CPA6: variants seen among roughly 807,000 people sequenced by gnomAD.
The protein encoded by CPA6 is carboxypeptidase B.
Under a neutral mutation model 63.3 loss-of-function variants are expected in CPA6, and 58 were observed. That is an observed-to-expected ratio of 0.92 (90% CI 0.74 to 1.14). The LOEUF (loss-of-function observed/expected upper bound fraction) is 1.14. Among genes scored for constraint, CPA6 ranks in the 50% most tolerant of loss-of-function variants. CPA6 has a pLI of 0.00. For missense variants in CPA6, 565 were observed against 526.6 expected (o/e 1.07, Z -0.71); for synonymous variants, 185 against 179.0 (o/e 1.03, Z -0.27).
intron 2 of CPA6, among the ~76,000 whole-genome samples, chr8:67,536,431 C>G (rs955797175): frequency 6.6e-6 from 1 of 152,032 alleles, no homozygotes; most frequent in African/African-American, 2.4e-5. Flanking sequence ...AAGTTGGATT[C>G]CTAGGTATTT....
chr8:67,468,409 C>T (rs966588650), intron 8 of CPA6, among the ~76,000 whole-genome samples: 1 of 151,298 alleles, frequency 6.6e-6, no homozygotes, highest in African/African-American at 2.4e-5. Flanking sequence ...ATGGAGAAAC[C>T]CTGTCTCTAC....
At chr8:67,488,087 T>A (rs571225485) in intron 6 of CPA6, among the ~76,000 whole-genome samples, 8 of 152,376 alleles carry the variant, frequency 5.3e-5, no homozygotes, top group African/African-American at 1.9e-4. Context: ...TTGGCTTCTG[T>A]TGCCTTTGCT....
chr8:67,435,213 G>T (rs1057010148), intron 8 of CPA6, among the ~76,000 whole-genome samples: 1 of 152,190 alleles, frequency 6.6e-6, no homozygotes, highest in African/African-American at 2.4e-5. Context: ...ACATGAAATG[G>T]ATCAGCACTT....
intron 8 of CPA6, among the ~76,000 whole-genome samples, chr8:67,473,003 T>C (rs1033215535): frequency 6.6e-6 from 1 of 152,170 alleles, no homozygotes; most frequent in Non-Finnish European, 1.5e-5. Flanking sequence ...CTAAGGATCA[T>C]GAAATATAAA....
chr8:67,742,813 G>A (rs1018011343), intron 1 of CPA6, among the ~76,000 whole-genome samples: 12 of 152,148 alleles, frequency 7.9e-5, no homozygotes, highest in Non-Finnish European at 1.5e-4. Context: ...CTTATGCTAC[G>A]CTGACACATG....
Position 67,602,329 on chromosome 8 carries a change from G to A in CPA6, c.192+21847C>T, listed in dbSNP as rs187607313. 6.1e-3 allele frequency among the ~76,000 whole-genome samples: 932 copies of A among 152,232 alleles called. 12 individuals are homozygous for A. The highest frequency in any genetic ancestry group is 0.037 in the Middle Eastern group (11 of 294). On this transcript the variant is annotated intron_variant, in intron 2 of 10. Transcript: ENST00000297770. ...GTAACACTGCTTGCCTCTGCAAAAG[G>A]AATTGGGTGACTGGAGAAGAGGAAT...
chr8:67,601,119 T>C (rs908491087), intron 2 of CPA6, among the ~76,000 whole-genome samples: 6 of 152,182 alleles, frequency 3.9e-5, no homozygotes, highest in Non-Finnish European at 8.8e-5. Context: ...ATATCAGATG[T>C]CTTGATTATG....
intron 8 of CPA6, among the ~76,000 whole-genome samples, chr8:67,461,053 T>C (rs1458533116): frequency 2.0e-5 from 3 of 151,602 alleles, no homozygotes; most frequent in Non-Finnish European, 4.4e-5. Context: ...CGATTTCTTT[T>C]TTTTTTTTTT....
At chr8:67,447,057 T>G (rs1383772876) in intron 8 of CPA6, among the ~76,000 whole-genome samples, 1 of 146,908 alleles carries the variant, frequency 6.8e-6, no homozygotes, top group Non-Finnish European at 1.5e-5. Flanking sequence ...TACACACACA[T>G]ATATATACAC....
chr8:67,719,244 GGGATTGTTTGGTCAATGGT>G (rs1817445230), intron 1 of CPA6, among the ~76,000 whole-genome samples: 1 of 152,114 alleles, frequency 6.6e-6, no homozygotes, highest in African/African-American at 2.4e-5. Flanking sequence ...ATGTCCCTGT[GGGATTGTTTGGTCAATGGT>G]AGAAATGAAA....
intron 2 of CPA6, among the ~76,000 whole-genome samples, chr8:67,580,198 T>C (rs900119): frequency 0.58 from 88,371 of 152,078 alleles, 28,064 homozygotes; most frequent in African/African-American, 0.84. Flanking sequence ...CCCCCTTCTC[T>C]AATGCAAGTG....
At chr8:67,704,551 C>A (rs1817092369) in intron 1 of CPA6, among the ~76,000 whole-genome samples, 2 of 152,172 alleles carry the variant, frequency 1.3e-5, no homozygotes, top group African/African-American at 4.8e-5. Context: ...GGTCCAAGGA[C>A]AGATTACCAT....
chr8:67,621,747 C>G (rs975568471), intron 2 of CPA6, among the ~76,000 whole-genome samples: 2 of 152,228 alleles, frequency 1.3e-5, no homozygotes, highest in Non-Finnish European at 2.9e-5. Context: ...CTTCCCTTCA[C>G]TCTGCTCCCT....
At chr8:67,619,185 C>T (rs2128986253) in intron 2 of CPA6, among the ~76,000 whole-genome samples, 1 of 152,262 alleles carries the variant, frequency 6.6e-6, no homozygotes, top group Middle Eastern at 3.4e-3. Context: ...TTTCCACTTT[C>T]CCTAAGATGC....
chr8:67,486,602 T>C (rs1811483282), intron 6 of CPA6, among the ~76,000 whole-genome samples: 1 of 152,212 alleles, frequency 6.6e-6, no homozygotes, highest in African/African-American at 2.4e-5. Context: ...TGTATGATTT[T>C]CTTTCGTATT....
intron 2 of CPA6, among the ~76,000 whole-genome samples, chr8:67,524,806 G>A (rs1812329216): frequency 6.6e-6 from 1 of 151,914 alleles, no homozygotes; most frequent in Non-Finnish European, 1.5e-5. Flanking sequence ...TTTCTCTAGA[G>A]CATTTCTAGA....
chr8:67,565,345 G>T (rs574825873), intron 2 of CPA6, among the ~76,000 whole-genome samples: 11 of 152,086 alleles, frequency 7.2e-5, no homozygotes, highest in African/African-American at 2.4e-4. Flanking sequence ...GACAAGAAAC[G>T]TTCTGTCAGC....
At chr8:67,621,681 G>A (rs1236665853) in intron 2 of CPA6, among the ~76,000 whole-genome samples, 2 of 152,310 alleles carry the variant, frequency 1.3e-5, no homozygotes, top group African/African-American at 4.8e-5. Context: ...GAGAGGAGCT[G>A]GATGTGACTG....
chr8:67,493,593 T>A (rs540232808), intron 6 of CPA6, among the ~76,000 whole-genome samples: 2 of 152,336 alleles, frequency 1.3e-5, no homozygotes, highest in Admixed American at 1.3e-4. Context: ...CTGAATCACA[T>A]GCCAGATGTT....
Sources: gnomAD v4.1 joint callset for allele counts (sites outside exome capture counted in the v4.1 genomes callset) on GRCh38, gnomAD v4.1.1 for gene constraint, MANE v1.5 for transcripts, NCBI Gene and HGNC (gene_info 2026-07-23, HGNC 2026-07-21) for gene names.